Variants in DLG1 observed in about 807,000 individuals in gnomAD.
DLG1 encodes the protein discs large MAGUK scaffold protein 1, also known as disks large homolog 1.
Under a neutral mutation model 123.4 loss-of-function variants are expected in DLG1, and 42 were observed. The observed-to-expected ratio is 0.34, with a 90% CI of 0.27 to 0.44. DLG1 has a LOEUF of 0.44. DLG1 is among the 20% of genes least tolerant of loss of function. The pLI, the probability that DLG1 is intolerant of heterozygous loss-of-function variation, is 1.00. For synonymous variants in DLG1, 317 were observed against 356.2 expected, an observed-to-expected ratio of 0.89 and a Z score of 1.24; for missense variants, 942 against 1,082.6, an observed-to-expected ratio of 0.87 and a Z score of 1.82.
At chr3:197,269,843 C>A (rs968018617) in intron 4 of DLG1, among the ~76,000 whole-genome samples, 1 of 152,068 alleles carries the variant, frequency 6.6e-6, no homozygotes, top group East Asian at 1.9e-4. Flanking sequence ...TATTTTAATC[C>A]GTTCCTGTGG....
rs115096383 is a variant in DLG1 at position 197,291,251 on chromosome 3, C to T, written c.151+5095G>A. Reference sequence around the variant, plus strand: ...CTCCATTTCAGGAAGTTTCAGCCAACGATGTGATCCATATCCTGTTTTCCT... The same window carrying T: ...CTCCATTTCAGGAAGTTTCAGCCAATGATGTGATCCATATCCTGTTTTCCT... On this transcript the variant is annotated intron_variant, in intron 3 of 24. Transcript: ENST00000667157. Among the ~76,000 whole-genome samples, 233 of 149,504 alleles carry T rather than the reference C, an allele frequency of 1.6e-3. 2 individuals are homozygous for T. Among genetic ancestry groups the T allele is most frequent in the African/African-American group, 5.5e-3 (223 of 40,690 alleles).
At chr3:197,145,058 C>G in intron 6 of DLG1, among the ~76,000 whole-genome samples, 1 of 150,784 alleles carries the variant, frequency 6.6e-6, no homozygotes, top group Admixed American at 6.6e-5. Context: ...CTCTCTCTCA[C>G]ACACACACAC....
intron 13 of DLG1, among the ~76,000 whole-genome samples, chr3:197,110,914 G>A (rs1769617189): frequency 1.3e-5 from 2 of 152,136 alleles, no homozygotes; most frequent in South Asian, 4.1e-4. Flanking sequence ...TCAGGTAGAG[G>A]TGAGAGTTTA....
chr3:197,047,972 G>A (rs1181524640), intron 24 of DLG1, among the ~76,000 whole-genome samples: 1 of 152,100 alleles, frequency 6.6e-6, no homozygotes, highest in Non-Finnish European at 1.5e-5. Context: ...GGCAACCTAT[G>A]GAAGAGGAGA....
intron 5 of DLG1, among the ~76,000 whole-genome samples, chr3:197,176,976 TA>T (rs997432882): frequency 7.9e-5 from 12 of 151,574 alleles, no homozygotes; most frequent in African/African-American, 2.2e-4. Flanking sequence ...TTTTTTATAT[TA>T]TTTTTTATTT....
rs140593494 is a variant in DLG1, at chr3:197,237,455, C to A, written c.319-42866G>T. Among the ~76,000 whole-genome samples the A allele has an allele frequency of 7.0e-3, 1,062 of 152,290 alleles. 9 individuals carry two copies. Among genetic ancestry groups the A allele is most frequent in the Non-Finnish European group, 0.012 (798 of 68,024 alleles). On this transcript the variant is annotated intron_variant, in intron 4 of 24. Coordinates refer to ENST00000667157, the MANE Select transcript of DLG1 (RefSeq NM_001366207.1). ...TTGTTGCCACAGGAACAGAAAGGGG[C>A]AGCCTAGCAAGATACAACTTTTAGA...
Position 197,091,047 on chromosome 3 carries a change from A to G in DLG1, c.1547-21T>C, listed in dbSNP as rs545286126. On this transcript the variant is annotated intron_variant, in intron 14 of 24. Coordinates refer to ENST00000667157, the MANE Select transcript of DLG1 (RefSeq NM_001366207.1). ...GTATTCTGATGGAAGAAAAAGAGAAATAAATTGATATATTTTCAAAAAATA... is the reference window on the plus strand; with the variant it reads ...GTATTCTGATGGAAGAAAAAGAGAAGTAAATTGATATATTTTCAAAAAATA... 286 of 1,463,994 alleles carry G rather than the reference A, an allele frequency of 2.0e-4. 2 individuals are homozygous for G. The South Asian group carries it at 3.2e-3, about 16-fold the overall frequency. 90.7% of individuals were successfully genotyped at this position (1,463,994 alleles called of 1,614,324 possible).
At chr3:197,107,171 G>A (rs1432240177) in intron 13 of DLG1, among the ~76,000 whole-genome samples, 1 of 151,950 alleles carries the variant, frequency 6.6e-6, no homozygotes, top group Admixed American at 6.6e-5. Flanking sequence ...TATTTTCCAG[G>A]TTCACCCTTG....
chr3:197,138,240 G>T lies in DLG1; in HGVS notation c.865C>A (p.Leu289Ile), dbSNP rs780691676. The change falls in exon 9 of 25, where the codon CTC (leucine) becomes ATC (isoleucine). Residue 289 changes from leucine (L) to isoleucine (I), a missense_variant. Physicochemically the swap from Leu to Ile is conservative, Grantham distance 5 (BLOSUM62 2). Coordinates refer to ENST00000667157, the MANE Select transcript of DLG1 (RefSeq NM_001366207.1). ...PVSEKIMEIK[L>I]IKGPKGLGFS... The stretch of plus-strand genomic sequence containing the variant: ...CACATACCTTTAGGACCTTTAATGA[G>T]CTTTATTTCCATTATTTTTTCTGAC... 3 of 1,592,192 alleles carry T rather than the reference G, an allele frequency of 1.9e-6. No individual in the cohort carries two copies. Among genetic ancestry groups the T allele is most frequent in the Non-Finnish European group, 2.6e-6 (3 of 1,166,232 alleles).
At chr3:197,068,530 CAAGATTACTTTCAT>C in intron 19 of DLG1, 1 of 1,580,930 alleles carries the variant, frequency 6.3e-7, no homozygotes, top group South Asian at 1.1e-5. Flanking sequence ...CATCTGTAAT[CAAGATTACTTTCAT>C]ATTAGACAGC....
At chr3:197,070,382 G>C (rs1742808465) in intron 18 of DLG1, 1 of 149,774 alleles carries the variant, frequency 6.7e-6, no homozygotes, top group Admixed American at 6.7e-5. Flanking sequence ...GAGTGGCTGG[G>C]ACTACAGGTA....
At chr3:197,194,087 G>A (rs1421832667) in intron 5 of DLG1, among the ~76,000 whole-genome samples, 1 of 152,100 alleles carries the variant, frequency 6.6e-6, no homozygotes, top group Non-Finnish European at 1.5e-5. Flanking sequence ...CTTCCAAAGT[G>A]CTGGAAATGC....
chr3:197,290,563 C>T (rs1419770802), intron 3 of DLG1, among the ~76,000 whole-genome samples: 1 of 152,096 alleles, frequency 6.6e-6, no homozygotes, highest in Non-Finnish European at 1.5e-5. Flanking sequence ...AAACCTGAAT[C>T]TAATCACAAG....
At chr3:197,090,047 T>TA (rs1406963409) in intron 15 of DLG1, among the ~76,000 whole-genome samples, 1 of 152,162 alleles carries the variant, frequency 6.6e-6, no homozygotes, top group Non-Finnish European at 1.5e-5. Flanking sequence ...TTTGTGTGTA[T>TA]AGATACACGT....
chr3:197,129,185 A>G (rs1425528401), intron 11 of DLG1, among the ~76,000 whole-genome samples: 2 of 152,248 alleles, frequency 1.3e-5, no homozygotes, highest in Non-Finnish European at 2.9e-5. Flanking sequence ...TTTCATCTAC[A>G]TTGAAAAATT....
intron 4 of DLG1, among the ~76,000 whole-genome samples, chr3:197,213,549 G>A (rs1252341165): frequency 6.6e-6 from 1 of 152,120 alleles, no homozygotes; most frequent in African/African-American, 2.4e-5. Context: ...ACAGCTCAAT[G>A]AATGTAAATT....
intron 11 of DLG1, among the ~76,000 whole-genome samples, chr3:197,127,748 C>T (rs572422872): frequency 6.6e-6 from 1 of 151,876 alleles, no homozygotes; most frequent in Admixed American, 6.6e-5. Context: ...AGAGATATTA[C>T]AGTTCCATAC....
intron 19 of DLG1, 146 bp from the exon 20 acceptor site, chr3:197,066,900 TA>T (rs545922611): frequency 1.1e-4 from 58 of 512,382 alleles, no homozygotes; most frequent in Middle Eastern, 5.0e-4. Flanking sequence ...AAGATTTAGT[TA>T]AAAAAAAGTG....
chr3:197,128,635 T>C (rs1780970825), intron 11 of DLG1, among the ~76,000 whole-genome samples: 1 of 152,214 alleles, frequency 6.6e-6, no homozygotes, highest in Admixed American at 6.5e-5. Flanking sequence ...GCGGAATCAC[T>C]ACCTATGACA....
Sources: allele counts gnomAD v4.1 joint callset (sites outside exome capture counted in the v4.1 genomes callset), GRCh38; gene constraint gnomAD v4.1.1; transcripts MANE v1.5; gene names NCBI Gene and HGNC (gene_info 2026-07-23, HGNC 2026-07-21).